USP6: variants seen among roughly 807,000 people sequenced by gnomAD.
The protein encoded by USP6 is ubiquitin carboxyl-terminal hydrolase 6.
Under a neutral mutation model 175.7 loss-of-function variants are expected in USP6, and 128 were observed. The observed-to-expected ratio is 0.73, with a 90% CI of 0.63 to 0.84. The LOEUF is 0.84. Ranked by LOEUF, USP6 falls within the 40% of genes least tolerant of loss-of-function variation. USP6 has a pLI of 0.00. For missense variants in USP6, 1,498 were observed against 1,760.3 expected, an observed-to-expected ratio of 0.85 and a Z score of 2.67; for synonymous variants, 562 against 630.6, an observed-to-expected ratio of 0.89 and a Z score of 1.63.
rs1555603438 is a variant in USP6, at chr17:5,154,722, T to TCC, written c.2644-695_2644-694dup. Among the ~76,000 whole-genome samples the TCC allele has an allele frequency of 1.6e-3, 247 of 150,142 alleles. 1 individual carries two copies. The highest frequency in any genetic ancestry group is 4.0e-3 in the African/African-American group (165 of 40,776). ...ATAGTTGAGATAGTCTTTTTTTTTT[T>TCC]CCCCCCACTGGCATCTTTTCATTTC... is the stretch of plus-strand genomic sequence containing the variant. On this transcript the variant is annotated intron_variant, in intron 30 of 37. Transcript: ENST00000574788.
Position 5,132,845 on chromosome 17 carries a change from A to G in USP6, c.196-65A>G. On this transcript the variant is annotated intron_variant, in intron 12 of 37. Coordinates refer to ENST00000574788, the MANE Select transcript of USP6 (RefSeq NM_001304284.2). This position sits in a 1 kb window ranked among gnomAD's most constrained non-coding sequence, Gnocchi z 4.7. ...ACCAGGGCTCCAGAGCCCAAGACTC[A>G]GCATCCATGGGCGGCTCTGGGAAGC... 3 of 1,576,828 alleles carry G rather than the reference A, an allele frequency of 1.9e-6. No homozygotes were observed. Among genetic ancestry groups the G allele is most frequent in the Non-Finnish European group, 2.6e-6 (3 of 1,146,290 alleles).
chr17:5,123,801 G>A (rs1404126382), intron 4 of USP6, among the ~76,000 whole-genome samples: 2 of 152,116 alleles, frequency 1.3e-5, no homozygotes, highest in Non-Finnish European at 2.9e-5. Flanking sequence ...CACACCTGTA[G>A]GACACACACA....
Position 5,138,261 on chromosome 17 carries a change from C to G in USP6, c.1066C>G (p.Leu356Val), listed in dbSNP as rs1449255918. The change falls in exon 21 of 38, where the codon CTG becomes GTG. Residue 356 changes from leucine (L) to valine (V), a missense_variant. By Grantham distance (32) the Leu-to-Val change is conservative (BLOSUM62 1). Coordinates refer to ENST00000574788, the MANE Select transcript of USP6 (RefSeq NM_001304284.2). ...GAAACTAACAAGGAAGCAAGGGGACCTGCCACCCCCAGGTGGGCTCCAGTG... is the reference window on the plus strand; with the variant it reads ...GAAACTAACAAGGAAGCAAGGGGACGTGCCACCCCCAGGTGGGCTCCAGTG... ...TKKLTRKQGD[L>V]PPPAKREQGS... The G allele has an allele frequency of 6.2e-7, 1 of 1,613,632 alleles. No individual in the cohort carries two copies. Among genetic ancestry groups the G allele is most frequent in the East Asian group, 2.2e-5 (1 of 44,868 alleles).
At chr17:5,163,961 A>G (rs1239169492) in intron 33 of USP6, among the ~76,000 whole-genome samples, 1 of 152,236 alleles carries the variant, frequency 6.6e-6, no homozygotes, top group African/African-American at 2.4e-5. Flanking sequence ...TTCAGAAATA[A>G]TTTTAATTCC....
chr17:5,154,180 T>G (rs1385736137), intron 30 of USP6, among the ~76,000 whole-genome samples: 1 of 152,238 alleles, frequency 6.6e-6, no homozygotes, highest in Non-Finnish European at 1.5e-5. Context: ...GTCTTAAAAT[T>G]ATGTATTTAA....
In USP6 at chr17:5,161,667, A is replaced by T. The variant is rs111632401; in HGVS notation, c.2915+53A>T. On this transcript the variant is annotated intron_variant, in intron 32 of 37. Coordinates refer to ENST00000574788, the MANE Select transcript of USP6 (RefSeq NM_001304284.2). ...TAGTAGAATTTCAGCTTTAGATATT[A>T]TACAATTTTCCTAAGATTTCCAATT... 2.1e-5 allele frequency: 34 copies of T among 1,586,792 alleles called. No individual in the cohort carries two copies. In the African/African-American group the frequency reaches 3.6e-4, roughly 17 times the overall value.
In USP6 at chr17:5,134,273, C is replaced by T. The variant is rs1415512193; in HGVS notation, c.494+277C>T. The T allele has an allele frequency of 1.6e-5, 7 of 424,602 alleles. No individual in the cohort carries two copies. The East Asian group carries it at 3.2e-4, about 19-fold the overall frequency. The allele number at this position is 424,602 out of a possible 1,614,324, so 26.3% of individuals were successfully genotyped here. On this transcript the variant is annotated intron_variant, in intron 15 of 37. Coordinates refer to ENST00000574788, the MANE Select transcript of USP6 (RefSeq NM_001304284.2). ...CAATGGTGAAAGGTGCTCTCCCTGA[C>T]CCACGGAGACCCATGGTAGGACCCA...
At chr17:5,122,580 C>T (rs2072717479) in intron 4 of USP6, among the ~76,000 whole-genome samples, 1 of 152,204 alleles carries the variant, frequency 6.6e-6, no homozygotes, top group African/African-American at 2.4e-5. Flanking sequence ...TGGGCCCCCT[C>T]CCCAGCCCAA....
chr17:5,142,613 T>G lies in USP6; in HGVS notation c.1818+111T>G, dbSNP rs1341176252. ...TTTTAGCTTAATGAACGTTTTTGGA[T>G]CCTTTACTTGGTATAAACAAGAGGC... On this transcript the variant is annotated intron_variant, in intron 25 of 37. Coordinates refer to ENST00000574788, the MANE Select transcript of USP6 (RefSeq NM_001304284.2). The G allele has an allele frequency of 2.8e-6, 4 of 1,435,352 alleles. No individual in the cohort carries two copies. In the East Asian group the frequency reaches 7.5e-5, roughly 27 times the overall value. The allele number at this position is 1,435,352 out of a possible 1,614,324, so 88.9% of individuals were successfully genotyped here.
chr17:5,161,977 A>C (rs2074013113), intron 32 of USP6, among the ~76,000 whole-genome samples: 1 of 152,104 alleles, frequency 6.6e-6, no homozygotes, highest in Admixed American at 6.6e-5. Flanking sequence ...GCGCCATTGC[A>C]CTCCAGCCTG....
chr17:5,136,249 G>A (rs755400503), intron 17 of USP6, among the ~76,000 whole-genome samples: 43 of 152,200 alleles, frequency 2.8e-4, no homozygotes, highest in Admixed American at 2.6e-4. Context: ...CCAGCTGCCT[G>A]GGCTCCTGCT....
At chr17:5,138,685 A>G (rs1286411330) in intron 21 of USP6, among the ~76,000 whole-genome samples, 2 of 152,186 alleles carry the variant, frequency 1.3e-5, no homozygotes, top group Admixed American at 6.5e-5. Flanking sequence ...TGCCAGGACA[A>G]CAAGCCTTGA....
rs1472916885 is a variant in USP6, at chr17:5,138,107, C to T, written c.926-14C>T. On this transcript the variant is annotated splice_polypyrimidine_tract_variant and intron_variant, in intron 20 of 37. Transcript: ENST00000574788. Reference sequence around the variant, plus strand: ...CAGGGAACTCTCCTGGCCTGATATCCACCCTGTCCCTAGAGCGCCTCATGA... The same window carrying T: ...CAGGGAACTCTCCTGGCCTGATATCTACCCTGTCCCTAGAGCGCCTCATGA... The T allele has an allele frequency of 6.2e-7, 1 of 1,614,020 alleles. No individual in the cohort carries two copies. Among genetic ancestry groups the T allele is most frequent in the South Asian group, 1.1e-5 (1 of 91,084 alleles).
At chr17:5,149,550 G>A (rs1234707014) in intron 30 of USP6, among the ~76,000 whole-genome samples, 2 of 152,146 alleles carry the variant, frequency 1.3e-5, no homozygotes, top group Non-Finnish European at 2.9e-5. Context: ...TGGGCAATAA[G>A]TGAGACCTTG....
rs150315519 is a variant in USP6 at position 5,123,919 on chromosome 17, G to GCACACA, written c.-1298-633_-1298-628dup. Among the ~76,000 whole-genome samples, 194 of 150,294 alleles carry GCACACA rather than the reference G, an allele frequency of 1.3e-3. 3 individuals are homozygous for GCACACA. Among genetic ancestry groups the GCACACA allele is most frequent in the African/African-American group, 4.0e-3 (162 of 40,998 alleles). ...CACGCACGTGCGCACACACACACAC[G>GCACACA]CACACACACACACACACACGTGATC... On this transcript the variant is annotated intron_variant, in intron 4 of 37. Coordinates refer to ENST00000574788, the MANE Select transcript of USP6 (RefSeq NM_001304284.2).
intron 30 of USP6, among the ~76,000 whole-genome samples, chr17:5,154,447 C>A (rs561980266): frequency 1.3e-5 from 2 of 152,262 alleles, no homozygotes; most frequent in South Asian, 4.1e-4. Context: ...TAATTCTGTG[C>A]AGTATCTCTA....
At chr17:5,162,714 T>C (rs959508826) in intron 32 of USP6, among the ~76,000 whole-genome samples, 170 bp from the exon 33 acceptor site, 7 of 152,194 alleles carry the variant, frequency 4.6e-5, no homozygotes, top group Non-Finnish European at 4.4e-5. Context: ...ATGATAATAA[T>C]TATTAATAAG....
At position 5,157,057 on chromosome 17, in the gene USP6, T is replaced by C. The variant is rs192077067; in HGVS notation, c.2828+1451T>C. ...ATTTAAATTTAAAGATTTAAATAAA[T>C]CTTTACTTAAATAAGTTATTTATTT... On this transcript the variant is annotated intron_variant, in intron 31 of 37. Coordinates refer to ENST00000574788, the MANE Select transcript of USP6 (RefSeq NM_001304284.2). 5.1e-3 allele frequency among the ~76,000 whole-genome samples: 782 copies of C among 152,156 alleles called. 2 individuals are homozygous for C. The highest frequency in any genetic ancestry group is 7.3e-3 in the Non-Finnish European group (497 of 68,004).
At chr17:5,145,149 A>C (rs1362984728) in intron 26 of USP6, among the ~76,000 whole-genome samples, 1 of 152,222 alleles carries the variant, frequency 6.6e-6, no homozygotes, top group Non-Finnish European at 1.5e-5. Context: ...TTGCTAAAGT[A>C]ATGCATACAG....
Sources: allele counts gnomAD v4.1 joint callset (sites outside exome capture counted in the v4.1 genomes callset), GRCh38; gene constraint gnomAD v4.1.1; non-coding constraint Gnocchi (gnomAD v3.1); transcripts MANE v1.5; gene names NCBI Gene and HGNC (gene_info 2026-07-23, HGNC 2026-07-21).